PACS2: variants seen among roughly 807,000 people sequenced by gnomAD.
The protein encoded by PACS2 is phosphofurin acidic cluster sorting protein 2.
A neutral mutation model predicts 113.0 loss-of-function variants in PACS2; 36 were observed. The ratio of observed to expected loss-of-function variants is 0.32; its 90% CI spans 0.24 to 0.42. The LOEUF (loss-of-function observed/expected upper bound fraction) is 0.42, where lower values mean the gene tolerates loss of function less well. Ranked by LOEUF, PACS2 falls within the 10% of genes least tolerant of loss-of-function variation. PACS2 has a pLI of 1.00. For synonymous variants in PACS2, 589 were observed against 536.1 expected (o/e 1.10, Z -1.36); for missense variants, 1,015 against 1,239.5 (o/e 0.82, Z 2.72).
In PACS2 at chr14:105,381,043, G is replaced by C; in HGVS notation, c.1212G>C (p.Arg404Ser). 1 of 1,612,482 alleles carries C rather than the reference G, an allele frequency of 6.2e-7. No individual in the cohort carries two copies. Among genetic ancestry groups the C allele is most frequent in the Non-Finnish European group, 8.5e-7 (1 of 1,179,740 alleles). ...CCACCCTGGATGTGTTCACGGAGAGGCTGCCGCCCAGCGGGAGGATCACCA... is the reference window on the plus strand; with the variant it reads ...CCACCCTGGATGTGTTCACGGAGAGCCTGCCGCCCAGCGGGAGGATCACCA... ...EASTLDVFTE[R>S]LPPSGRITKT... Residue 404 changes from arginine to serine, a missense_variant, in exon 12 of 25, where the codon AGG becomes AGC. Coordinates refer to ENST00000447393, the MANE Select transcript of PACS2 (RefSeq NM_001100913.3).
Position 105,348,154 on chromosome 14 carries a change from T to G in PACS2, c.120-339T>G, listed in dbSNP as rs111905101. Among the ~76,000 whole-genome samples the G allele has an allele frequency of 1.6e-4, 24 of 152,190 alleles. 1 individual carries two copies. Among genetic ancestry groups the G allele is most frequent in the African/African-American group, 5.8e-4 (24 of 41,540 alleles). ...TCACAGCTGGGAGCTGGCTCAGGAC[T>G]CTCAGATCTTCTCTTTGTGGCCTGT... On this transcript the variant is annotated intron_variant, in intron 1 of 24. Transcript: ENST00000447393. This position sits in a 1 kb window ranked among gnomAD's most constrained non-coding sequence, Gnocchi z 6.4.
intron 1 of PACS2, chr14:105,336,653 T>C (rs1263725387): frequency 6.6e-6 from 1 of 152,356 alleles, no homozygotes; most frequent in Non-Finnish European, 1.5e-5. Flanking sequence ...CAGAGTGTGC[T>C]GTTGGGTGAG....
rs1233957232 is a variant in PACS2, at chr14:105,356,441, G to A, written c.423+1264G>A. Among the ~76,000 whole-genome samples, 1 of 152,154 alleles carries A rather than the reference G, an allele frequency of 6.6e-6. No individual in the cohort carries two copies. Among genetic ancestry groups the A allele is most frequent in the Non-Finnish European group, 1.5e-5 (1 of 67,994 alleles). ...ACCACGGACAGCACGGGTGGACCGGGCCTCCAGGCTGCACTTCCCAGGGCC... is the reference window on the plus strand; with the variant it reads ...ACCACGGACAGCACGGGTGGACCGGACCTCCAGGCTGCACTTCCCAGGGCC... On this transcript the variant is annotated intron_variant, in intron 4 of 24. Coordinates refer to ENST00000447393, the MANE Select transcript of PACS2 (RefSeq NM_001100913.3). The surrounding 1 kb of genome is among the most constrained non-coding windows in gnomAD (Gnocchi z 4.0).
Position 105,368,081 on chromosome 14 carries a change from C to CT in PACS2, c.595dup (p.Ser199PhefsTer6). ...TGTCTGTTCATTCCGCAGATAACTACTCCGAGGAGGAGTATGAGAGCTTCT... is the reference window on the plus strand; with the variant it reads ...TGTCTGTTCATTCCGCAGATAACTACTTCCGAGGAGGAGTATGAGAGCTTCT... On this transcript the variant is annotated frameshift_variant, in exon 6 of 25. Transcript: ENST00000447393. LOFTEE classifies it high-confidence loss of function. 6.2e-7 allele frequency: 1 copy of CT among 1,607,744 alleles called. No homozygotes were observed.
At chr14:105,368,308 CCCGAGTTTATG>C (rs1179560830) in intron 6 of PACS2, 140 bp from the exon 7 acceptor site, 1 of 801,710 alleles carries the variant, frequency 1.2e-6, no homozygotes, top group Admixed American at 2.3e-5. Flanking sequence ...ACCCCAGGGG[CCCGAGTTTATG>C]CTCAGGTGGC....
In PACS2 at chr14:105,370,126, G is replaced by C. The variant is rs2141164062; in HGVS notation, c.801+226G>C. 11 of 466,160 alleles carry C rather than the reference G, an allele frequency of 2.4e-5. No homozygotes were observed. In the South Asian group the frequency reaches 3.7e-4, roughly 16 times the overall value. 28.9% of individuals were successfully genotyped at this position (466,160 alleles called of 1,614,324 possible). A position where few individuals can be genotyped will look rare whatever the true frequency, so the allele number is the denominator to read the frequency against. Reference sequence around the variant, plus strand: ...CTGAAGTAGAAGTCGTGAATACCCTGGAAGTCGGAAAGTCATTTTCAGGGG... The same window carrying C: ...CTGAAGTAGAAGTCGTGAATACCCTCGAAGTCGGAAAGTCATTTTCAGGGG... On this transcript the variant is annotated intron_variant, in intron 8 of 24. Transcript: ENST00000447393.
chr14:105,348,677 T>C lies in PACS2; in HGVS notation c.207+97T>C, dbSNP rs1555403196. On this transcript the variant is annotated intron_variant, in intron 2 of 24. Transcript: ENST00000447393. The surrounding 1 kb of genome is among the most constrained non-coding windows in gnomAD (Gnocchi z 6.4). ...GGCGGTGCGCTACTGTGGGGCCTTG[T>C]GCCAAAACAGCGGGCAGCCCATGCC... 5 of 921,024 alleles carry C rather than the reference T, an allele frequency of 5.4e-6. No individual in the cohort carries two copies. Among genetic ancestry groups the C allele is most frequent in the Non-Finnish European group, 8.7e-6 (5 of 572,310 alleles). The allele number at this position is 921,024 out of a possible 1,614,324, so 57.1% of individuals were successfully genotyped here. A position where few individuals can be genotyped will look rare whatever the true frequency, so the allele number is the denominator to read the frequency against.
intron 6 of PACS2, 21 bp from the exon 7 acceptor site, chr14:105,368,438 C>A: frequency 1.3e-6 from 2 of 1,593,674 alleles, no homozygotes; most frequent in Non-Finnish European, 1.7e-6. Context: ...GTGGCCTCAG[C>A]CACTGCATAT....
chr14:105,306,287 GTTTGTTTTGTTTTGT>G (rs202210208), intron 1 of PACS2, among the ~76,000 whole-genome samples: 3 of 151,382 alleles, frequency 2.0e-5, no homozygotes, highest in African/African-American at 7.3e-5. Flanking sequence ...TTGTTTTTGG[GTTTGTTTTGTTTTGT>G]TTTGTTTTGT....
chr14:105,352,805 C>CA (rs1555404376), intron 3 of PACS2, among the ~76,000 whole-genome samples: 2 of 119,820 alleles, frequency 1.7e-5, no homozygotes, highest in African/African-American at 3.3e-5. Context: ...CCTGGGGAGA[C>CA]GGGCCCCCCC....
At chr14:105,375,560 G>C in intron 8 of PACS2, among the ~76,000 whole-genome samples, 1 of 151,120 alleles carries the variant, frequency 6.6e-6, no homozygotes, top group East Asian at 1.9e-4. Context: ...ATAAGTACAC[G>C]ATCATCATGA....
intron 1 of PACS2, among the ~76,000 whole-genome samples, chr14:105,305,994 C>G (rs146286629): frequency 2.6e-5 from 4 of 152,378 alleles, no homozygotes; most frequent in Non-Finnish European, 5.9e-5. Flanking sequence ...CTAGACCTGA[C>G]TCCAGCACAC....
intron 1 of PACS2, among the ~76,000 whole-genome samples, chr14:105,316,338 C>T (rs910416394): frequency 1.3e-5 from 2 of 152,228 alleles, no homozygotes; most frequent in Non-Finnish European, 2.9e-5. Flanking sequence ...AAAGCCAAAG[C>T]CAGGAGCATC....
Position 105,354,773 on chromosome 14 carries a change from G to A in PACS2, c.298-279G>A, listed in dbSNP as rs1555404979. Among the ~76,000 whole-genome samples the A allele has an allele frequency of 2.0e-5, 3 of 152,242 alleles. No homozygotes were observed. Among genetic ancestry groups the A allele is most frequent in the African/African-American group, 7.2e-5 (3 of 41,470 alleles). On this transcript the variant is annotated intron_variant, in intron 3 of 24. Transcript: ENST00000447393. The surrounding 1 kb of genome is among the most constrained non-coding windows in gnomAD (Gnocchi z 4.2). The stretch of plus-strand genomic sequence containing the variant: ...GCCATCCCGGACACTGCAGCACATA[G>A]TCCTTGTCCACCTGCCATGGCTGTT...
intron 1 of PACS2, among the ~76,000 whole-genome samples, chr14:105,321,990 G>GT (rs2058906390): frequency 6.6e-6 from 1 of 151,294 alleles, no homozygotes; most frequent in Admixed American, 6.6e-5. Flanking sequence ...CCAGGCTGGA[G>GT]TACAGTCGTG....
intron 1 of PACS2, among the ~76,000 whole-genome samples, chr14:105,337,849 G>A (rs1048913287): frequency 6.6e-6 from 1 of 152,226 alleles, no homozygotes; most frequent in South Asian, 2.1e-4. Context: ...TCAGTGGTTT[G>A]AAGGGGTGCC....
At chr14:105,374,595 G>A (rs988347985) in intron 8 of PACS2, 3 of 152,202 alleles carry the variant, frequency 2.0e-5, no homozygotes, top group Admixed American at 6.5e-5. Flanking sequence ...CTGAGAAGTC[G>A]ACCAGGAAGC....
intron 13 of PACS2, 112 bp from the exon 14 acceptor site, chr14:105,382,365 C>A: frequency 1.3e-6 from 1 of 753,202 alleles, no homozygotes. Context: ...TTCCTGCCAC[C>A]GAGCCTCTGT....
chr14:105,394,518 CA>C (rs2081479452), intron 24 of PACS2, 35 bp from the exon 25 acceptor site: 3 of 1,606,760 alleles, frequency 1.9e-6, no homozygotes, highest in Non-Finnish European at 2.5e-6. Context: ...GCAGGCCGGG[CA>C]GGGGGGCAGG....
Sources: gnomAD v4.1 joint callset for allele counts (sites outside exome capture counted in the v4.1 genomes callset) on GRCh38, gnomAD v4.1.1 for gene constraint, Gnocchi (gnomAD v3.1) non-coding constraint, MANE v1.5 for transcripts, NCBI Gene and HGNC (gene_info 2026-07-23, HGNC 2026-07-21) for gene names.